The following EBF1 variants were observed in gnomAD, a reference collection of about 807,000 sequenced individuals.
The protein encoded by EBF1 is EBF transcription factor 1, also known as transcription factor COE1.
Under a neutral mutation model 68.4 loss-of-function variants are expected in EBF1, and 10 were observed. The ratio of observed to expected loss-of-function variants is 0.15; its 90% confidence interval spans 0.09 to 0.25. EBF1 has a LOEUF of 0.25. Among genes scored for constraint, EBF1 ranks in the 10% least tolerant of loss-of-function variants. The probability of loss-of-function intolerance (pLI) is 1.00; values close to 1 mark genes in which losing one functional copy is unlikely to be tolerated. For missense variants in EBF1, 509 were observed against 794.4 expected, an observed-to-expected ratio of 0.64 and a Z score of 4.32; for synonymous variants, 298 against 299.8, an observed-to-expected ratio of 0.99 and a Z score of 0.06.
intron 6 of EBF1, among the ~76,000 whole-genome samples, chr5:158,990,542 C>T (rs894913292): frequency 2.6e-5 from 4 of 152,264 alleles, no homozygotes; most frequent in Non-Finnish European, 5.9e-5. Flanking sequence ...CATACAATCC[C>T]AGAAAATAAG....
chr5:158,757,267 A>G (rs1455354963), intron 10 of EBF1, among the ~76,000 whole-genome samples: 2 of 152,106 alleles, frequency 1.3e-5, no homozygotes, highest in African/African-American at 4.8e-5. Flanking sequence ...TGATCAGTAC[A>G]ATACCACCCT....
chr5:158,758,709 T>A (rs1770697333), intron 10 of EBF1, among the ~76,000 whole-genome samples: 1 of 152,196 alleles, frequency 6.6e-6, no homozygotes. Context: ...TTATACAATA[T>A]ATATTTATTC....
intron 10 of EBF1, among the ~76,000 whole-genome samples, chr5:158,772,046 G>C (rs1773981091): frequency 6.6e-6 from 1 of 152,136 alleles, no homozygotes; most frequent in Non-Finnish European, 1.5e-5. Context: ...AGCATCATAA[G>C]CCCTAGCCCC....
chr5:159,004,440 A>G (rs796067805), intron 6 of EBF1, among the ~76,000 whole-genome samples: 8 of 152,314 alleles, frequency 5.3e-5, no homozygotes, highest in African/African-American at 1.9e-4. Flanking sequence ...AAGGTTCAAC[A>G]GCTCTGACTT....
chr5:158,982,209 A>T (rs893278224), intron 6 of EBF1, among the ~76,000 whole-genome samples: 4 of 152,370 alleles, frequency 2.6e-5, no homozygotes, highest in South Asian at 4.1e-4. Context: ...TCAAATAGAT[A>T]AATGCCCTGA....
At chr5:158,903,217 T>C (rs1272990394) in intron 6 of EBF1, among the ~76,000 whole-genome samples, 1 of 152,212 alleles carries the variant, frequency 6.6e-6, no homozygotes, top group African/African-American at 2.4e-5. Context: ...CCGGGTCAGC[T>C]CATTCATTTA....
rs542490841 is a variant in EBF1, at chr5:158,784,456, T to C, written c.910-6917A>G. 4.1e-4 allele frequency among the ~76,000 whole-genome samples: 63 copies of C among 152,230 alleles called. 1 individual carries two copies. The highest frequency in any genetic ancestry group is 1.3e-3 in the African/African-American group (53 of 41,542). The stretch of plus-strand genomic sequence containing the variant: ...GAACATAGTGGCCACTCAAAACAAC[T>C]TTCCTCACTGGTGAAAGGCAAGCTG... On this transcript the variant is annotated intron_variant, in intron 9 of 15. Coordinates refer to ENST00000313708, the MANE Select transcript of EBF1 (RefSeq NM_024007.5).
intron 15 of EBF1, among the ~76,000 whole-genome samples, chr5:158,704,544 C>A (rs1022633215): frequency 2.0e-5 from 3 of 152,058 alleles, no homozygotes; most frequent in Non-Finnish European, 4.4e-5. Context: ...GTAGGTGCTA[C>A]TGTAACATTG....
At chr5:159,075,686 G>A (rs1282315677) in intron 5 of EBF1, among the ~76,000 whole-genome samples, 4 of 152,142 alleles carry the variant, frequency 2.6e-5, no homozygotes, top group African/African-American at 7.2e-5. Context: ...TTTTCCAAAT[G>A]TCAGTGGTAC....
At chr5:158,790,159 G>C (rs537895768) in intron 9 of EBF1, among the ~76,000 whole-genome samples, 1 of 152,236 alleles carries the variant, frequency 6.6e-6, no homozygotes, top group South Asian at 2.1e-4. Flanking sequence ...CACACACGAG[G>C]AAACTTTGGC....
chr5:158,826,061 G>A (rs923477939), intron 7 of EBF1, among the ~76,000 whole-genome samples: 1 of 151,970 alleles, frequency 6.6e-6, no homozygotes, highest in African/African-American at 2.4e-5. Flanking sequence ...ACAGGCAAGG[G>A]GACAGACAAG....
chr5:158,769,254 G>A (rs1362056262), intron 10 of EBF1, among the ~76,000 whole-genome samples: 1 of 152,154 alleles, frequency 6.6e-6, no homozygotes, highest in East Asian at 1.9e-4. Flanking sequence ...TTGCTTGGCT[G>A]TAGTCAATAT....
intron 5 of EBF1, among the ~76,000 whole-genome samples, chr5:159,081,931 ACT>A (rs796903137): frequency 1.2e-4 from 19 of 152,150 alleles, no homozygotes; most frequent in African/African-American, 4.6e-4. Context: ...ACAGGCAGAG[ACT>A]CTCTCAGAAT....
chr5:158,957,589 A>T (rs996320074), intron 6 of EBF1, among the ~76,000 whole-genome samples: 9 of 152,228 alleles, frequency 5.9e-5, no homozygotes, highest in Non-Finnish European at 1.2e-4. Context: ...CAACTCTGCC[A>T]CTACCATTTC....
chr5:158,994,613 A>G (rs1761047313), intron 6 of EBF1, among the ~76,000 whole-genome samples: 1 of 152,180 alleles, frequency 6.6e-6, no homozygotes, highest in Non-Finnish European at 1.5e-5. Context: ...TGGCTTTAAC[A>G]CTTATAATCA....
intron 8 of EBF1, among the ~76,000 whole-genome samples, chr5:158,808,685 G>A (rs1782036227): frequency 6.6e-6 from 1 of 152,118 alleles, no homozygotes. Flanking sequence ...GAAGAGTTCA[G>A]TACAGAGTGG....
chr5:158,969,294 C>T (rs1407677693), intron 6 of EBF1, among the ~76,000 whole-genome samples: 5 of 152,176 alleles, frequency 3.3e-5, no homozygotes, highest in Non-Finnish European at 5.9e-5. Context: ...CAGAGCAAGA[C>T]TCGGTCCCCC....
intron 6 of EBF1, among the ~76,000 whole-genome samples, chr5:158,953,130 T>C (rs964160914): frequency 6.6e-6 from 1 of 152,214 alleles, no homozygotes; most frequent in Admixed American, 6.5e-5. Flanking sequence ...GCTGCACATC[T>C]GGGATCAGTT....
intron 8 of EBF1, among the ~76,000 whole-genome samples, chr5:158,800,552 G>C (rs1028994210): frequency 3.3e-5 from 5 of 152,158 alleles, no homozygotes; most frequent in Non-Finnish European, 7.4e-5. Flanking sequence ...AGAGCAAACA[G>C]TTGTACTTTT....
Sources: gnomAD v4.1 joint callset for allele counts (sites outside exome capture counted in the v4.1 genomes callset) on GRCh38, gnomAD v4.1.1 for gene constraint, MANE v1.5 for transcripts, NCBI Gene and HGNC (gene_info 2026-07-23, HGNC 2026-07-21) for gene names.